Variants in WDR27 observed in about 807,000 individuals in gnomAD.
WDR27 encodes WD repeat domain 27, also known as WD repeat-containing protein 27.
In WDR27, 100 loss-of-function variants were observed where a neutral mutation model predicts 114.4. The ratio of observed to expected loss-of-function variants is 0.87; its 90% CI spans 0.74 to 1.03. The LOEUF is 1.03. Ranked by LOEUF, WDR27 falls within the 50% of genes least tolerant of loss-of-function variation. The pLI, the probability that WDR27 is intolerant of heterozygous loss-of-function variation, is 0.00. For missense variants in WDR27, 1,129 were observed against 1,092.9 expected, an observed-to-expected ratio of 1.03 and a Z score of -0.47; for synonymous variants, 449 against 423.1, an observed-to-expected ratio of 1.06 and a Z score of -0.75.
At chr6:169,624,091 A>G (rs1443413191) in intron 21 of WDR27, among the ~76,000 whole-genome samples, 1 of 148,886 alleles carries the variant, frequency 6.7e-6, no homozygotes, top group East Asian at 2.0e-4. Context: ...CGTGTGCAGC[A>G]TGTGGCATCA....
At chr6:169,561,360 T>C (rs921067347) in intron 25 of WDR27, among the ~76,000 whole-genome samples, 10 of 152,028 alleles carry the variant, frequency 6.6e-5, no homozygotes, top group Non-Finnish European at 1.0e-4. Context: ...GCTTTCAACA[T>C]ATGAATTTGG....
chr6:169,519,337 C>T (rs1472741217), intron 25 of WDR27, among the ~76,000 whole-genome samples: 1 of 152,170 alleles, frequency 6.6e-6, no homozygotes, highest in Non-Finnish European at 1.5e-5. Flanking sequence ...AAAAGAAATA[C>T]ATGAGACTTG....
At chr6:169,610,603 G>C (rs561206544) in intron 22 of WDR27, among the ~76,000 whole-genome samples, 5 of 152,260 alleles carry the variant, frequency 3.3e-5, no homozygotes, top group East Asian at 3.9e-4. Flanking sequence ...GGAATTACGG[G>C]AGTACAAGTC....
intron 25 of WDR27, among the ~76,000 whole-genome samples, chr6:169,525,449 T>G (rs1163008880): frequency 2.1e-5 from 3 of 144,146 alleles, no homozygotes; most frequent in African/African-American, 7.9e-5. Flanking sequence ...GGCAGGAGAA[T>G]GGCATGAACC....
intron 25 of WDR27, among the ~76,000 whole-genome samples, chr6:169,555,185 CAGCATCTAA>C (rs1798701775): frequency 6.6e-6 from 1 of 152,186 alleles, no homozygotes; most frequent in Non-Finnish European, 1.5e-5. Context: ...CTCTTCACAT[CAGCATCTAA>C]AGCCTGCGAT....
intron 2 of WDR27, among the ~76,000 whole-genome samples, chr6:169,681,547 T>G (rs575822013): frequency 6.6e-6 from 1 of 152,340 alleles, no homozygotes; most frequent in African/African-American, 2.4e-5. Flanking sequence ...ACCACCTCAT[T>G]TGGCCTTGAG....
At chr6:169,541,324 C>T (rs1796819902) in intron 25 of WDR27, among the ~76,000 whole-genome samples, 1 of 152,074 alleles carries the variant, frequency 6.6e-6, no homozygotes, top group African/African-American at 2.4e-5. Flanking sequence ...TAAAAAAGGA[C>T]ACAAATCTAT....
intron 22 of WDR27, among the ~76,000 whole-genome samples, chr6:169,613,290 G>T (rs1811034554): frequency 6.6e-6 from 1 of 152,130 alleles, no homozygotes; most frequent in African/African-American, 2.4e-5. Flanking sequence ...GGTAACTGTG[G>T]TTTAGGAGAT....
the WDR27 span, among the ~76,000 whole-genome samples, chr6:169,438,791 T>C: frequency 6.6e-6 from 1 of 152,214 alleles, no homozygotes; most frequent in South Asian, 2.1e-4. Context: ...AAACAGATAT[T>C]TTATATTTTA....
chr6:169,499,206 C>T (rs1364651944), intron 25 of WDR27, among the ~76,000 whole-genome samples: 1 of 152,244 alleles, frequency 6.6e-6, no homozygotes, highest in Non-Finnish European at 1.5e-5. Flanking sequence ...CCAGCCAAGC[C>T]TCCTTTGCAA....
At chr6:169,546,809 TA>T (rs1223673308) in intron 25 of WDR27, among the ~76,000 whole-genome samples, 6 of 152,162 alleles carry the variant, frequency 3.9e-5, no homozygotes, top group African/African-American at 7.2e-5. Flanking sequence ...ATAACTGTAC[TA>T]GGGGCGCTGG....
chr6:169,644,488 GA>G (rs1203180136), intron 16 of WDR27, among the ~76,000 whole-genome samples: 1 of 151,702 alleles, frequency 6.6e-6, no homozygotes. Flanking sequence ...TAGTTCACAG[GA>G]GTCACACTGT....
intron 13 of WDR27, among the ~76,000 whole-genome samples, chr6:169,655,606 A>AGAAGATTCATTGT (rs775192176): frequency 1.7e-4 from 26 of 152,252 alleles, no homozygotes; most frequent in Admixed American, 8.5e-4. Context: ...TAGACATATG[A>AGAAGATTCATTGT]GAAGATTCAT....
At chr6:169,579,229 G>A (rs1263213914) in intron 24 of WDR27, among the ~76,000 whole-genome samples, 4 of 152,188 alleles carry the variant, frequency 2.6e-5, no homozygotes, top group Non-Finnish European at 5.9e-5. Context: ...ATAGATGAAA[G>A]GTCTGATCAT....
chr6:169,613,218 G>A (rs568808294), intron 22 of WDR27, among the ~76,000 whole-genome samples: 1 of 152,186 alleles, frequency 6.6e-6, no homozygotes, highest in Non-Finnish European at 1.5e-5. Context: ...TCGGTGCCTA[G>A]TGGATGGCAC....
chr6:169,506,708 T>C (rs1010020691), intron 25 of WDR27, among the ~76,000 whole-genome samples: 6 of 152,306 alleles, frequency 3.9e-5, no homozygotes, highest in East Asian at 1.9e-4. Flanking sequence ...ATATAGTACT[T>C]TGGAAAAATA....
At chr6:169,690,412 A>C (rs1286088143) in intron 1 of WDR27, among the ~76,000 whole-genome samples, 1 of 152,048 alleles carries the variant, frequency 6.6e-6, no homozygotes, top group African/African-American at 2.4e-5. Flanking sequence ...CTCTTACAAC[A>C]CAGCAGGGCT....
chr6:169,608,121 T>C (rs1809640466), intron 22 of WDR27, among the ~76,000 whole-genome samples: 1 of 152,090 alleles, frequency 6.6e-6, no homozygotes, highest in South Asian at 2.1e-4. Context: ...ATATATGGTA[T>C]AAAAGGAAAA....
intron 23 of WDR27, among the ~76,000 whole-genome samples, chr6:169,591,454 G>A (rs1434654376): frequency 1.3e-5 from 2 of 152,148 alleles, no homozygotes; most frequent in East Asian, 3.8e-4. Flanking sequence ...ACCAAGTAGG[G>A]TATTTGGTTT....
Sources: gnomAD v4.1 joint callset for allele counts (sites outside exome capture counted in the v4.1 genomes callset) on GRCh38, gnomAD v4.1.1 for gene constraint, MANE v1.5 for transcripts, NCBI Gene and HGNC (gene_info 2026-07-23, HGNC 2026-07-21) for gene names.